The following MCTP2 variants were observed in gnomAD, a reference collection of about 807,000 sequenced individuals.
The protein encoded by MCTP2 is multiple C2 and transmembrane domain containing 2.
MCTP2 carries 132 observed loss-of-function variants against 111.6 expected under a neutral mutation model. The ratio of observed to expected loss-of-function variants is 1.18; its 90% CI spans 1.03 to 1.37. MCTP2 has a LOEUF of 1.37. Ranked by LOEUF, MCTP2 falls within the 40% of genes most tolerant of loss-of-function variation. The pLI is 0.00. For synonymous variants in MCTP2, 395 were observed against 387.7 expected (o/e 1.02, Z -0.22); for missense variants, 1,183 against 1,067.9 (o/e 1.11, Z -1.50).
chr15:94,302,543 A>C (rs2075670629), intron 2 of MCTP2, among the ~76,000 whole-genome samples: 1 of 152,206 alleles, frequency 6.6e-6, no homozygotes, highest in African/African-American at 2.4e-5. Flanking sequence ...GCTTAGAAGA[A>C]AGGATACATC....
chr15:94,464,568 G>A lies in MCTP2; in HGVS notation c.2361-5765G>A, dbSNP rs975653332. On this transcript the variant is annotated intron_variant, in intron 20 of 22. Transcript: ENST00000357742. Reference sequence around the variant, plus strand: ...CTTGTTTGTTCATTAGTTACTACTCGTATATTTTTCTAACTCTTTAAGATG... The same window carrying A: ...CTTGTTTGTTCATTAGTTACTACTCATATATTTTTCTAACTCTTTAAGATG... Among the ~76,000 whole-genome samples, 25 of 151,300 alleles carry A rather than the reference G, an allele frequency of 1.7e-4. No homozygotes were observed. In the South Asian group the frequency reaches 4.4e-3, roughly 26 times the overall value.
chr15:94,373,508 T>C (rs1210072397), intron 12 of MCTP2, among the ~76,000 whole-genome samples: 3 of 152,246 alleles, frequency 2.0e-5, no homozygotes, highest in Non-Finnish European at 4.4e-5. Context: ...TTACTGTTTT[T>C]AAATTATGCC....
At chr15:94,412,271 A>G (rs1282988023) in intron 17 of MCTP2, among the ~76,000 whole-genome samples, 1 of 150,178 alleles carries the variant, frequency 6.7e-6, no homozygotes, top group East Asian at 1.9e-4. Context: ...CTGCATATAC[A>G]CAGGATCCTT....
At chr15:94,314,431 A>G in intron 3 of MCTP2, 87 bp downstream of exon 3, 1 of 889,222 alleles carries the variant, frequency 1.1e-6, no homozygotes, top group Non-Finnish European at 1.6e-6. Flanking sequence ...TGCCTCTTTT[A>G]TTGCTAAAAA....
chr15:94,334,160 C>G (rs1338154228), intron 4 of MCTP2, among the ~76,000 whole-genome samples: 2 of 152,142 alleles, frequency 1.3e-5, no homozygotes, highest in Non-Finnish European at 2.9e-5. Flanking sequence ...ATGACCGAAG[C>G]CTGCTATCAT....
At chr15:94,449,177 C>T (rs922112588) in intron 19 of MCTP2, among the ~76,000 whole-genome samples, 29 of 152,148 alleles carry the variant, frequency 1.9e-4, no homozygotes, top group Middle Eastern at 3.4e-3. Flanking sequence ...AAGTATTAAA[C>T]AAGAATAATA....
chr15:94,335,276 T>A (rs2077306971), intron 4 of MCTP2, among the ~76,000 whole-genome samples: 1 of 152,176 alleles, frequency 6.6e-6, no homozygotes, highest in Admixed American at 6.5e-5. Context: ...GCCAAAGGCT[T>A]AAGTGGTGTA....
At chr15:94,400,272 A>G (rs1309972937) in intron 16 of MCTP2, among the ~76,000 whole-genome samples, 2 of 152,134 alleles carry the variant, frequency 1.3e-5, no homozygotes, top group Non-Finnish European at 2.9e-5. Context: ...TCATTGTATA[A>G]ACAAAAATTC....
chr15:94,247,729 A>G (rs527409640), intron 1 of MCTP2, among the ~76,000 whole-genome samples: 2 of 152,336 alleles, frequency 1.3e-5, no homozygotes, highest in East Asian at 3.9e-4. Flanking sequence ...TCATAGAGCA[A>G]TAAATATGTA....
intron 4 of MCTP2, among the ~76,000 whole-genome samples, chr15:94,320,794 A>G (rs2076598916): frequency 6.6e-6 from 1 of 152,178 alleles, no homozygotes; most frequent in East Asian, 1.9e-4. Flanking sequence ...GGAAGCTTTA[A>G]TTCAGGAAAT....
Position 94,423,431 on chromosome 15 carries a change from C to CT in MCTP2, c.2086-16742dup, listed in dbSNP as rs1361679493. ...TATTTACTGTTAGAAAATTTAATTG[C>CT]TTTAAAACTGTTGGAATTAACACAA... is the stretch of plus-strand genomic sequence containing the variant. On this transcript the variant is annotated intron_variant, in intron 17 of 22. Transcript: ENST00000357742. Among the ~76,000 whole-genome samples, 3 of 152,176 alleles carry CT rather than the reference C, an allele frequency of 2.0e-5. No homozygotes were observed. The East Asian group carries it at 5.8e-4, about 29-fold the overall frequency.
chr15:94,330,940 G>A (rs918503724), intron 4 of MCTP2, among the ~76,000 whole-genome samples: 1 of 151,994 alleles, frequency 6.6e-6, no homozygotes, highest in African/African-American at 2.4e-5. Flanking sequence ...TTGCCATGTT[G>A]CCCAGGCTTG....
intron 3 of MCTP2, 103 bp downstream of exon 3, chr15:94,314,447 A>AG (rs1400187384): frequency 5.6e-6 from 5 of 895,444 alleles, no homozygotes; most frequent in Non-Finnish European, 8.6e-6. Flanking sequence ...AAAAAAAAAA[A>AG]AAAAATGCCA....
Position 94,398,424 on chromosome 15 carries a change from T to A in MCTP2, c.1789-537T>A, listed in dbSNP as rs528963925. 4.1e-4 allele frequency among the ~76,000 whole-genome samples: 63 copies of A among 152,340 alleles called. 1 individual carries two copies. The highest frequency in any genetic ancestry group is 4.1e-3 in the Admixed American group (62 of 15,288). ...ATGTTGACGTTATATACTACCATAA[T>A]ACATTTGTTAAAACTGAAAAGAACT... On this transcript the variant is annotated intron_variant, in intron 14 of 22. Coordinates refer to ENST00000357742, the MANE Select transcript of MCTP2 (RefSeq NM_001385001.1).
chr15:94,435,199 C>G (rs1379207167), intron 17 of MCTP2, among the ~76,000 whole-genome samples: 3 of 152,086 alleles, frequency 2.0e-5, no homozygotes, highest in African/African-American at 7.2e-5. Flanking sequence ...TCAGGTTACC[C>G]ATTTCTATAA....
At position 94,480,851 on chromosome 15, in the gene MCTP2, C is replaced by T. The variant is rs1006596244; in HGVS notation, c.*1817C>T. On this transcript the variant is annotated 3_prime_UTR_variant, in exon 23 of 23. Coordinates refer to ENST00000357742, the MANE Select transcript of MCTP2 (RefSeq NM_001385001.1). ...TGAAATTATTTGCCCGACAAGAAGG[C>T]ATCATTAGTTAGACTTGTTTCCTCT... is the stretch of plus-strand genomic sequence containing the variant. 3 of 152,188 alleles carry T rather than the reference C, an allele frequency of 2.0e-5. No individual in the cohort carries two copies. The highest frequency in any genetic ancestry group is 7.2e-5 in the African/African-American group (3 of 41,434). 9.4% of individuals were successfully genotyped at this position (152,188 alleles called of 1,614,324 possible).
chr15:94,245,396 ATGTGTGTATATATTTATATACATG>A (rs2071817568), intron 1 of MCTP2, among the ~76,000 whole-genome samples: 2 of 52,440 alleles, frequency 3.8e-5, no homozygotes, highest in South Asian at 5.8e-4. Context: ...ATTTATATAC[ATGTGTGTATATATTTATATACATG>A]TGTGTATATA....
chr15:94,339,911 A>T (rs1471410117), intron 5 of MCTP2, among the ~76,000 whole-genome samples: 1 of 152,234 alleles, frequency 6.6e-6, no homozygotes, highest in Non-Finnish European at 1.5e-5. Flanking sequence ...CAGACTATTT[A>T]AACTACAGAG....
At chr15:94,292,531 A>G (rs1265394668) in intron 1 of MCTP2, among the ~76,000 whole-genome samples, 2 of 152,212 alleles carry the variant, frequency 1.3e-5, no homozygotes, top group Non-Finnish European at 2.9e-5. Context: ...GCTTCAACAA[A>G]AATGAAATAC....
Sources: gnomAD v4.1 joint callset for allele counts (sites outside exome capture counted in the v4.1 genomes callset) on GRCh38, gnomAD v4.1.1 for gene constraint, MANE v1.5 for transcripts, NCBI Gene and HGNC (gene_info 2026-07-23, HGNC 2026-07-21) for gene names.